Variants in DNAAF5 observed in about 807,000 individuals in gnomAD.
DNAAF5 encodes the protein dynein axonemal assembly factor 5.
A neutral mutation model predicts 75.8 loss-of-function variants in DNAAF5; 64 were observed. The observed-to-expected ratio is 0.84, with a 90% CI of 0.69 to 1.04. The LOEUF (loss-of-function observed/expected upper bound fraction) is 1.04. Ranked by LOEUF, DNAAF5 falls within the 50% of genes least tolerant of loss-of-function variation. The pLI, the probability that DNAAF5 is intolerant of heterozygous loss-of-function variation, is 0.00. For synonymous variants in DNAAF5, 657 were observed against 557.2 expected, an observed-to-expected ratio of 1.18 and a Z score of -2.52; for missense variants, 1,269 against 1,178.5, an observed-to-expected ratio of 1.08 and a Z score of -1.12.
intron 1 of DNAAF5, among the ~76,000 whole-genome samples, chr7:727,806 T>C (rs1458929166): frequency 3.1e-5 from 3 of 96,436 alleles, no homozygotes; most frequent in East Asian, 3.5e-4. Flanking sequence ...CCTCCCACCC[T>C]CCTCCCTGCC....
chr7:755,051 T>A (rs1289560758), intron 5 of DNAAF5, among the ~76,000 whole-genome samples: 4 of 152,106 alleles, frequency 2.6e-5, no homozygotes, highest in African/African-American at 9.7e-5. Context: ...TCAAGCACAC[T>A]CGGGGGTGCA....
intron 9 of DNAAF5, chr7:771,884 G>A (rs1296776070): frequency 1.3e-5 from 2 of 152,252 alleles, no homozygotes; most frequent in Non-Finnish European, 2.9e-5. Flanking sequence ...AAGGCGGTTG[G>A]CGTCAAGAGA....
chr7:773,865 C>A (rs1361973923), intron 9 of DNAAF5, among the ~76,000 whole-genome samples, 183 bp from the exon 10 acceptor site: 1 of 152,156 alleles, frequency 6.6e-6, no homozygotes, highest in Non-Finnish European at 1.5e-5. Context: ...TAGGGTTGGG[C>A]CTGGAGGAAC....
intron 9 of DNAAF5, 104 bp downstream of exon 9, chr7:770,722 T>G: frequency 9.0e-7 from 1 of 1,115,674 alleles, no homozygotes; most frequent in East Asian, 2.5e-5. Flanking sequence ...TCCCACCTCC[T>G]TCCCCAACAC....
rs1781341579 is a variant in DNAAF5, at chr7:727,093, T to G, written c.373T>G (p.Leu125Val). Reference protein sequence around the residue: ...PRLLPALAARLAGPVPARRPP... With the variant: ...PRLLPALAARVAGPVPARRPP... ...CCTGCTGCCCGCGCTCGCCGCGCGC[T>G]TGGCCGGCCCCGTGCCCGCGCGCCG... The change falls in exon 1 of 13, where the codon TTG (leucine) becomes GTG (valine). Residue 125 changes from leucine to valine, a missense_variant. Coordinates refer to ENST00000297440, the MANE Select transcript of DNAAF5 (RefSeq NM_017802.4). The G allele has an allele frequency of 9.4e-7, 1 of 1,058,380 alleles. No homozygotes were observed. Among genetic ancestry groups the G allele is most frequent in the Admixed American group, 5.5e-5 (1 of 18,096 alleles). The allele number at this position is 1,058,380 out of a possible 1,614,324, so 65.6% of individuals were successfully genotyped here. A position where few individuals can be genotyped will look rare whatever the true frequency, so the allele number is the denominator to read the frequency against.
chr7:745,498 C>G (rs1219560203), intron 4 of DNAAF5, among the ~76,000 whole-genome samples: 1 of 152,204 alleles, frequency 6.6e-6, no homozygotes, highest in African/African-American at 2.4e-5. Context: ...ACATGCATAT[C>G]GCACACACGT....
intron 8 of DNAAF5, among the ~76,000 whole-genome samples, chr7:766,274 A>T (rs1347531006): frequency 6.6e-6 from 1 of 152,038 alleles, no homozygotes; most frequent in Non-Finnish European, 1.5e-5. Flanking sequence ...GATGATTTTT[A>T]TTTTCTTCTT....
intron 5 of DNAAF5, 50 bp from the exon 6 acceptor site, chr7:756,732 C>G: frequency 1.3e-6 from 2 of 1,579,038 alleles, no homozygotes; most frequent in South Asian, 2.2e-5. Context: ...AGGAGCCCGG[C>G]TGAGACCCTC....
chr7:769,204 A>T (rs145768333), intron 8 of DNAAF5: 10 of 772,824 alleles, frequency 1.3e-5, no homozygotes, highest in African/African-American at 3.4e-5. Flanking sequence ...CAACGGCTCA[A>T]GGTGACTCAC....
chr7:768,963 T>C (rs1467264212), intron 8 of DNAAF5: 1 of 577,824 alleles, frequency 1.7e-6, no homozygotes, highest in Non-Finnish European at 3.1e-6. Context: ...GGCGGGAGGC[T>C]CAAGTCAGGC....
rs114450751 is a variant in DNAAF5 at position 752,283 on chromosome 7, A to G, written c.1025-2306A>G. Among the ~76,000 whole-genome samples, 827 of 152,398 alleles carry G rather than the reference A, an allele frequency of 5.4e-3. 10 individuals carry two copies. The highest frequency in any genetic ancestry group is 0.019 in the African/African-American group (790 of 41,596). On this transcript the variant is annotated intron_variant, in intron 4 of 12. Coordinates refer to ENST00000297440, the MANE Select transcript of DNAAF5 (RefSeq NM_017802.4). ...CTGAAGGTAAAGCCCAGAACCGCAG[A>G]GCTAGGGCGAAGCCTTTGTGACAGT... is the stretch of plus-strand genomic sequence containing the variant.
Position 740,926 on chromosome 7 carries a change from C to T in DNAAF5, c.888C>T (p.Asp296=), listed in dbSNP as rs137860295. 278 of 1,613,576 alleles carry T rather than the reference C, an allele frequency of 1.7e-4. No homozygotes were observed. In the African/African-American group the frequency reaches 3.0e-3, roughly 17 times the overall value. Residue 296 remains aspartate, a synonymous_variant, in exon 3 of 13, where the codon GAC becomes GAT. Transcript: ENST00000297440. ...CTCTGCTGCTCAGTAGCCTCAACGA[C>T]GAGGTGCCTGAGGTCAGGTACGTGG... ...LIPLLLSSLN[D]EVPEVRQLAA...
chr7:754,842 C>T lies in DNAAF5; in HGVS notation c.1257+21C>T, dbSNP rs1015791958. On this transcript the variant is annotated intron_variant, in intron 5 of 12. Transcript: ENST00000297440. This position sits in a 1 kb window ranked among gnomAD's most constrained non-coding sequence, Gnocchi z 4.8. ...AAAGTGTAAGTGGCCGTATTCCAGT[C>T]GTGGTCGCGGAGCTGTAACTCGAGC... 9 of 1,539,606 alleles carry T rather than the reference C, an allele frequency of 5.8e-6. No individual in the cohort carries two copies. In the East Asian group the frequency reaches 9.3e-5, roughly 16 times the overall value.
At chr7:734,194 G>A (rs931486705) in intron 2 of DNAAF5, among the ~76,000 whole-genome samples, 1 of 152,196 alleles carries the variant, frequency 6.6e-6, no homozygotes, top group South Asian at 2.1e-4. Context: ...TAGAAGAAAG[G>A]CTTTCAATTT....
intron 12 of DNAAF5, among the ~76,000 whole-genome samples, chr7:781,552 C>T (rs1317955279): frequency 1.3e-5 from 2 of 149,036 alleles, no homozygotes; most frequent in African/African-American, 4.8e-5. Flanking sequence ...GATTGCCGGG[C>T]TGTATGGGGC....
intron 11 of DNAAF5, among the ~76,000 whole-genome samples, chr7:775,632 A>G (rs528018434): frequency 6.6e-6 from 1 of 152,384 alleles, no homozygotes; most frequent in East Asian, 1.9e-4. Flanking sequence ...ATTGGGGGGC[A>G]GAATTCCACA....
chr7:770,820 T>G, intron 9 of DNAAF5: 1 of 527,498 alleles, frequency 1.9e-6, no homozygotes, highest in Non-Finnish European at 3.3e-6. Context: ...CCACGCCGAG[T>G]CTAAGGTGGG....
intron 4 of DNAAF5, among the ~76,000 whole-genome samples, chr7:751,329 G>A (rs889654228): frequency 1.3e-5 from 2 of 152,048 alleles, no homozygotes; most frequent in Non-Finnish European, 2.9e-5. Context: ...GGTACAAGCT[G>A]TTCTTATTAA....
intron 10 of DNAAF5, among the ~76,000 whole-genome samples, chr7:774,603 A>G (rs1402723264): frequency 1.3e-5 from 2 of 152,056 alleles, no homozygotes; most frequent in Admixed American, 6.5e-5. Context: ...GGTGTCAGAA[A>G]ACAGACACTG....
Sources: gnomAD v4.1 joint callset for allele counts (sites outside exome capture counted in the v4.1 genomes callset) on GRCh38, gnomAD v4.1.1 for gene constraint, Gnocchi (gnomAD v3.1) non-coding constraint, MANE v1.5 for transcripts, NCBI Gene and HGNC (gene_info 2026-07-23, HGNC 2026-07-21) for gene names.